BCHE: variants seen among roughly 807,000 people sequenced by gnomAD.
The protein encoded by BCHE is cholinesterase.
In BCHE, 48 loss-of-function variants were observed where a neutral mutation model predicts 51.3. The observed-to-expected ratio is 0.94, with a 90% CI of 0.74 to 1.19. The LOEUF (loss-of-function observed/expected upper bound fraction) is 1.19. BCHE is among the 50% of genes most tolerant of loss of function. The probability of loss-of-function intolerance (pLI) is 0.00; values close to 1 mark genes in which losing one functional copy is unlikely to be tolerated. For missense variants in BCHE, 847 were observed against 708.2 expected, an observed-to-expected ratio of 1.20 and a Z score of -2.23; for synonymous variants, 251 against 238.0, an observed-to-expected ratio of 1.05 and a Z score of -0.50.
At chr3:165,837,269 G>A (rs1560026274) in intron 1 of BCHE, 45 bp downstream of exon 1, 2 of 1,179,610 alleles carry the variant, frequency 1.7e-6, no homozygotes, top group South Asian at 1.3e-5. Flanking sequence ...GAGCTTTACA[G>A]TAACTTGGAT....
chr3:165,805,630 T>C (rs1370813847), intron 2 of BCHE, among the ~76,000 whole-genome samples: 1 of 152,190 alleles, frequency 6.6e-6, no homozygotes, highest in Non-Finnish European at 1.5e-5. Context: ...ACAGCACAGA[T>C]GGATGATAGC....
In BCHE at chr3:165,831,361, T is replaced by C. The variant is rs746452540; in HGVS notation, c.-8-320A>G. On this transcript the variant is annotated intron_variant, in intron 1 of 3. Transcript: ENST00000264381. Reference sequence around the variant, plus strand: ...AAATTTAATGTTACTTCTGACTATATGTACAGCTCCACCAAAAAAGCAGTA... The same window carrying C: ...AAATTTAATGTTACTTCTGACTATACGTACAGCTCCACCAAAAAAGCAGTA... 3.3e-5 allele frequency among the ~76,000 whole-genome samples: 5 copies of C among 152,184 alleles called. No homozygotes were observed. The South Asian group carries it at 8.3e-4, about 25-fold the overall frequency.
rs1406896719 is a variant in BCHE at position 165,786,247 on chromosome 3, A to G, written c.1582T>C (p.Tyr528His). ...WPVFKSTEQK[Y>H]LTLNTESTRI... ...GTTGACTCTGTATTCAAGGTTAGAT[A>G]TTTTTGTTCAGTGCTTTTGAAGACA... The change falls in exon 3 of 4, where the codon TAT becomes CAT. Residue 528 changes from tyrosine (Y) to histidine (H), a missense_variant. Coordinates refer to ENST00000264381, the MANE Select transcript of BCHE (RefSeq NM_000055.4). 1 of 1,612,120 alleles carries G rather than the reference A, an allele frequency of 6.2e-7. No individual in the cohort carries two copies. The highest frequency in any genetic ancestry group is 1.7e-5 in the Admixed American group (1 of 59,856).
chr3:165,822,510 T>C (rs1030409895), intron 2 of BCHE, among the ~76,000 whole-genome samples: 38 of 151,978 alleles, frequency 2.5e-4, no homozygotes, highest in Non-Finnish European at 1.6e-4. Flanking sequence ...GAAAAAAATA[T>C]CAGGGAATTT....
chr3:165,821,300 T>A (rs1258902645), intron 2 of BCHE, among the ~76,000 whole-genome samples: 1 of 151,836 alleles, frequency 6.6e-6, no homozygotes, highest in Non-Finnish European at 1.5e-5. Context: ...GCACAAATAC[T>A]ATATAATAAG....
chr3:165,799,983 A>G (rs553957743), intron 2 of BCHE, among the ~76,000 whole-genome samples: 4 of 150,608 alleles, frequency 2.7e-5, no homozygotes, highest in Non-Finnish European at 4.4e-5. Flanking sequence ...AAGTGTTACA[A>G]TGTCCCATTT....
At chr3:165,832,809 G>C (rs1431491652) in intron 1 of BCHE, among the ~76,000 whole-genome samples, 1 of 151,926 alleles carries the variant, frequency 6.6e-6, no homozygotes, top group Non-Finnish European at 1.5e-5. Context: ...ATTTAATTTA[G>C]ATTTTCTCAA....
At position 165,773,331 on chromosome 3, in the gene BCHE, T is replaced by G; in HGVS notation, c.*51A>C. ...AGGTGTGTAAAAAAGCTCCTGATATTTTTGCCTTGATCTAAAGGAAAATAT... is the reference window on the plus strand; with the variant it reads ...AGGTGTGTAAAAAAGCTCCTGATATGTTTGCCTTGATCTAAAGGAAAATAT... On this transcript the variant is annotated 3_prime_UTR_variant, in exon 4 of 4. Transcript: ENST00000264381. The G allele has an allele frequency of 6.4e-7, 1 of 1,551,246 alleles. No homozygotes were observed. The highest frequency in any genetic ancestry group is 8.8e-7 in the Non-Finnish European group (1 of 1,133,802).
Position 165,831,050 on chromosome 3 carries a change from G to C in BCHE, c.-8-9C>G. The C allele has an allele frequency of 6.3e-7, 1 of 1,598,746 alleles. No individual in the cohort carries two copies. On this transcript the variant is annotated splice_polypyrimidine_tract_variant and intron_variant, in intron 1 of 3. Coordinates refer to ENST00000264381, the MANE Select transcript of BCHE (RefSeq NM_000055.4). ...GCTATGCATATTGATTTCTGAAAGAGAGGTAAGTATAATGTTTTATAAGCC... is the reference window on the plus strand; with the variant it reads ...GCTATGCATATTGATTTCTGAAAGACAGGTAAGTATAATGTTTTATAAGCC...
intron 3 of BCHE, among the ~76,000 whole-genome samples, chr3:165,785,548 G>A (rs1293991052): frequency 1.3e-5 from 2 of 151,232 alleles, no homozygotes; most frequent in Non-Finnish European, 3.0e-5. Context: ...ACTTCCTTAA[G>A]ACTAGTTAAC....
chr3:165,773,345 A>T lies in BCHE; in HGVS notation c.*37T>A. On this transcript the variant is annotated 3_prime_UTR_variant, in exon 4 of 4. Transcript: ENST00000264381. ...GCTCCTGATATTTTTGCCTTGATCT[A>T]AAGGAAAATATGTTCTATAAAGGGT... The T allele has an allele frequency of 6.3e-7, 1 of 1,590,640 alleles. No homozygotes were observed. The highest frequency in any genetic ancestry group is 1.3e-5 in the African/African-American group (1 of 74,392).
intron 3 of BCHE, chr3:165,778,249 T>G (rs2668213): frequency 6.6e-6 from 1 of 152,298 alleles, no homozygotes; most frequent in African/African-American, 2.4e-5. Context: ...ATAAAATAAA[T>G]ATAAGAGAAG....
At chr3:165,837,178 G>T in intron 1 of BCHE, 136 bp downstream of exon 1, 1 of 428,918 alleles carries the variant, frequency 2.3e-6, no homozygotes, top group Non-Finnish European at 4.1e-6. Context: ...TGTCCCATTT[G>T]CAAGCTTCAG....
In BCHE at chr3:165,830,301, A is replaced by G. The variant is rs1714914103; in HGVS notation, c.733T>C (p.Phe245Leu). 5.0e-6 allele frequency: 8 copies of G among 1,614,008 alleles called. No individual in the cohort carries two copies. Among genetic ancestry groups the G allele is most frequent in the Non-Finnish European group, 5.9e-6 (7 of 1,179,926 alleles). ...CCACTTTGCAGAATGGCTCTGGTGA[A>G]CAATGAATGGCTTCCAGGAGAAAGC... ...HLLSPGSHSL[F>L]TRAILQSGSF... The change falls in exon 2 of 4, where the codon TTC (phenylalanine) becomes CTC (leucine). Residue 245 changes from phenylalanine to leucine, a missense_variant. Transcript: ENST00000264381.
chr3:165,806,812 G>A (rs995562601), intron 2 of BCHE, among the ~76,000 whole-genome samples: 1 of 151,868 alleles, frequency 6.6e-6, no homozygotes, highest in African/African-American at 2.4e-5. Context: ...ATTGTTTAAT[G>A]GCCATATTTG....
chr3:165,805,380 A>G (rs1217703871), intron 2 of BCHE, among the ~76,000 whole-genome samples: 1 of 152,130 alleles, frequency 6.6e-6, no homozygotes, highest in Non-Finnish European at 1.5e-5. Context: ...ACAAAAGAAG[A>G]GTTGAGGGCT....
At chr3:165,832,478 G>C (rs978676577) in intron 1 of BCHE, among the ~76,000 whole-genome samples, 27 of 152,038 alleles carry the variant, frequency 1.8e-4, no homozygotes, top group Admixed American at 3.9e-4. Flanking sequence ...TTTTAGTAGA[G>C]ATGGGGTTTT....
intron 3 of BCHE, among the ~76,000 whole-genome samples, chr3:165,780,654 G>GA (rs1418335473): frequency 1.3e-5 from 2 of 151,934 alleles, no homozygotes; most frequent in Non-Finnish European, 2.9e-5. Context: ...ACAAATGTAT[G>GA]AAAAAAAGCT....
chr3:165,814,255 T>G (rs1714215520), intron 2 of BCHE, among the ~76,000 whole-genome samples: 1 of 152,098 alleles, frequency 6.6e-6, no homozygotes, highest in East Asian at 1.9e-4. Flanking sequence ...CATTCTCTAT[T>G]TCAGGGTTCA....
Sources: allele counts gnomAD v4.1 joint callset (sites outside exome capture counted in the v4.1 genomes callset), GRCh38; gene constraint gnomAD v4.1.1; transcripts MANE v1.5; gene names NCBI Gene and HGNC (gene_info 2026-07-23, HGNC 2026-07-21).